Variants in TFDP2 observed in about 807,000 individuals in gnomAD.
The protein encoded by TFDP2 is transcription factor Dp-2.
TFDP2 carries 17 observed loss-of-function variants against 59.3 expected under a neutral mutation model. The ratio of observed to expected loss-of-function variants is 0.29; its 90% CI spans 0.20 to 0.43. The LOEUF (loss-of-function observed/expected upper bound fraction) is 0.43, where lower values mean the gene tolerates loss of function less well. Ranked by LOEUF, TFDP2 falls within the 20% of genes least tolerant of loss-of-function variation. The pLI is 1.00. For missense variants in TFDP2, 391 were observed against 528.8 expected (o/e 0.74, Z 2.56); for synonymous variants, 180 against 194.7 (o/e 0.92, Z 0.63).
chr3:142,115,411 C>A (rs1390211903), intron 1 of TFDP2, among the ~76,000 whole-genome samples: 8 of 151,700 alleles, frequency 5.3e-5, no homozygotes, highest in African/African-American at 1.9e-4. Flanking sequence ...CTCCACCTCC[C>A]GGATTCACGC....
Position 142,028,788 on chromosome 3 carries a change from C to G in TFDP2, c.83-23244G>C, listed in dbSNP as rs1243574945. On this transcript the variant is annotated intron_variant, in intron 3 of 12. Transcript: ENST00000489671. ...AAAGACATATGAATACTGTTTACAA[C>G]AAAGACATCTCAAAAGAAATTGAAA... 3.3e-6 allele frequency: 3 copies of G among 900,236 alleles called. No individual in the cohort carries two copies. The East Asian group carries it at 3.6e-4, about 107-fold the overall frequency. 55.8% of individuals were successfully genotyped at this position (900,236 alleles called of 1,614,324 possible). A position where few individuals can be genotyped will look rare whatever the true frequency, so the allele number is the denominator to read the frequency against.
chr3:141,985,881 T>C (rs1942046492), intron 6 of TFDP2, among the ~76,000 whole-genome samples: 1 of 152,314 alleles, frequency 6.6e-6, no homozygotes, highest in East Asian at 1.9e-4. Flanking sequence ...GGGATTTCCA[T>C]CTAGAATATA....
chr3:142,052,737 T>C (rs943949844), intron 3 of TFDP2, among the ~76,000 whole-genome samples: 2 of 152,058 alleles, frequency 1.3e-5, no homozygotes, highest in Non-Finnish European at 2.9e-5. Context: ...CCAAGGGTAG[T>C]CCACCCCTCC....
intron 3 of TFDP2, among the ~76,000 whole-genome samples, chr3:142,017,290 C>T (rs1253238031): frequency 6.6e-6 from 1 of 152,170 alleles, no homozygotes; most frequent in Non-Finnish European, 1.5e-5. Flanking sequence ...TCATTCATTG[C>T]TCCAGCTAGG....
intron 3 of TFDP2, among the ~76,000 whole-genome samples, chr3:142,057,716 G>T (rs1175793383): frequency 6.6e-6 from 1 of 152,208 alleles, no homozygotes; most frequent in Non-Finnish European, 1.5e-5. Context: ...GTTAGAGAAA[G>T]ACTTTATTTC....
chr3:141,988,271 T>G (rs12495978), intron 6 of TFDP2, among the ~76,000 whole-genome samples: 17,845 of 152,236 alleles, frequency 0.12, 1,292 homozygotes, highest in East Asian at 0.18. Flanking sequence ...CCAATTGTCT[T>G]TAACATACTA....
At chr3:142,095,844 G>C (rs111534104) in intron 2 of TFDP2, among the ~76,000 whole-genome samples, 1 of 152,226 alleles carries the variant, frequency 6.6e-6, no homozygotes, top group African/African-American at 2.4e-5. Flanking sequence ...AGCAAAGAAG[G>C]CAAAGACAGC....
Position 141,964,005 on chromosome 3 carries a change from G to A in TFDP2, c.733-42C>T, listed in dbSNP as rs772339971. ...AAACAATATGGTCAATTGTGCATAA[G>A]TGAGTTGGAATTTAAAAGAATTAAG... is the stretch of plus-strand genomic sequence containing the variant. On this transcript the variant is annotated intron_variant, in intron 9 of 12. Transcript: ENST00000489671. 12 of 1,567,712 alleles carry A rather than the reference G, an allele frequency of 7.7e-6. No individual in the cohort carries two copies. The African/African-American group carries it at 9.6e-5, about 13-fold the overall frequency.
At chr3:142,018,293 A>G (rs1198662574) in intron 3 of TFDP2, among the ~76,000 whole-genome samples, 3 of 152,094 alleles carry the variant, frequency 2.0e-5, no homozygotes, top group East Asian at 3.9e-4. Flanking sequence ...TGGCTCCAGC[A>G]GTCTATTTAT....
At chr3:142,144,741 A>G (rs1302413534) in intron 1 of TFDP2, among the ~76,000 whole-genome samples, 1 of 151,854 alleles carries the variant, frequency 6.6e-6, no homozygotes, top group Non-Finnish European at 1.5e-5. Context: ...AGGTTTCACC[A>G]TGTTGCCCAG....
chr3:141,956,854 G>A (rs192066637), intron 11 of TFDP2, among the ~76,000 whole-genome samples: 4 of 151,730 alleles, frequency 2.6e-5, no homozygotes, highest in Admixed American at 6.6e-5. Flanking sequence ...GAGCCCATGA[G>A]TTCGAGGCTG....
At position 141,946,347 on chromosome 3, in the gene TFDP2, C is replaced by A. The variant is rs1338417471; in HGVS notation, c.*6166G>T. 2.0e-5 allele frequency: 3 copies of A among 152,384 alleles called. No homozygotes were observed. In the East Asian group the frequency reaches 5.8e-4, roughly 29 times the overall value. 9.4% of individuals were successfully genotyped at this position (152,384 alleles called of 1,614,324 possible). On this transcript the variant is annotated 3_prime_UTR_variant, in exon 13 of 13. Coordinates refer to ENST00000489671, the MANE Select transcript of TFDP2 (RefSeq NM_001178139.2). ...ATAAGCAGTGAAGACCAAAGTCTAA[C>A]CTGCTGAAACAGCAAGGGGCAAGAC... is the stretch of plus-strand genomic sequence containing the variant.
In TFDP2 at chr3:141,966,196, G is replaced by T. The variant is rs113245576; in HGVS notation, c.733-2233C>A. On this transcript the variant is annotated intron_variant, in intron 9 of 12. Coordinates refer to ENST00000489671, the MANE Select transcript of TFDP2 (RefSeq NM_001178139.2). Reference sequence around the variant, plus strand: ...TTATTTATTATTATTTTTTTGAGACGGAGTCTCACTCTGTTGCCCAGGCTG... The same window carrying T: ...TTATTTATTATTATTTTTTTGAGACTGAGTCTCACTCTGTTGCCCAGGCTG... 8.9e-3 allele frequency among the ~76,000 whole-genome samples: 1,354 copies of T among 151,700 alleles called. 45 individuals carry two copies. Among genetic ancestry groups the T allele is most frequent in the African/African-American group, 0.031 (1,278 of 41,210 alleles).
chr3:141,954,633 C>CAAA (rs11454904), intron 11 of TFDP2, among the ~76,000 whole-genome samples: 5 of 149,166 alleles, frequency 3.4e-5, no homozygotes, highest in Non-Finnish European at 5.9e-5. Flanking sequence ...TCAAAAAAAA[C>CAAA]AAAAAAAAAC....
intron 3 of TFDP2, among the ~76,000 whole-genome samples, chr3:142,068,640 C>A (rs572162248): frequency 1.3e-5 from 2 of 151,824 alleles, no homozygotes; most frequent in South Asian, 2.1e-4. Context: ...AATCTCAGCT[C>A]ATTGCAACCC....
chr3:142,099,044 G>A (rs1294741755), intron 2 of TFDP2, among the ~76,000 whole-genome samples: 2 of 152,196 alleles, frequency 1.3e-5, no homozygotes, highest in Non-Finnish European at 2.9e-5. Flanking sequence ...TGTCATCAGA[G>A]ACATGTAAAA....
chr3:142,101,023 T>A (rs903896381), intron 2 of TFDP2, among the ~76,000 whole-genome samples: 1 of 152,060 alleles, frequency 6.6e-6, no homozygotes, highest in Admixed American at 6.6e-5. Flanking sequence ...CATAATAATA[T>A]AGGAACAGTA....
chr3:142,082,965 A>C (rs1053206985), intron 3 of TFDP2, among the ~76,000 whole-genome samples: 6 of 152,112 alleles, frequency 3.9e-5, no homozygotes, highest in Non-Finnish European at 8.8e-5. Context: ...GAACACAACA[A>C]GGAAGCCTAC....
chr3:141,962,062 C>A (rs1937430971), intron 10 of TFDP2, among the ~76,000 whole-genome samples: 1 of 152,030 alleles, frequency 6.6e-6, no homozygotes, highest in Non-Finnish European at 1.5e-5. Flanking sequence ...GATTCTCCTG[C>A]CTCAGCCTCC....
Sources: allele counts gnomAD v4.1 joint callset (sites outside exome capture counted in the v4.1 genomes callset), GRCh38; gene constraint gnomAD v4.1.1; transcripts MANE v1.5; gene names NCBI Gene and HGNC (gene_info 2026-07-23, HGNC 2026-07-21).